ERICH1: variants seen among roughly 807,000 people sequenced by gnomAD.
The protein encoded by ERICH1 is glutamate-rich protein 1.
Under a neutral mutation model 39.6 loss-of-function variants are expected in ERICH1, and 56 were observed. That is an observed-to-expected ratio of 1.41 (90% CI 1.14 to 1.77). The LOEUF (loss-of-function observed/expected upper bound fraction) is 1.77, where lower values mean the gene tolerates loss of function less well. Ranked by LOEUF, ERICH1 falls within the 40% of genes most tolerant of loss-of-function variation. The pLI is 0.00. For synonymous variants in ERICH1, 313 were observed against 223.6 expected, an observed-to-expected ratio of 1.40 and a Z score of -3.57; for missense variants, 826 against 575.4, an observed-to-expected ratio of 1.44 and a Z score of -4.45.
chr8:638,196 C>CT (rs1433118379), intron 3 of ERICH1, among the ~76,000 whole-genome samples: 1 of 152,258 alleles, frequency 6.6e-6, no homozygotes, highest in Non-Finnish European at 1.5e-5. Context: ...TGGCCCTTGC[C>CT]TTGGCGTTTC....
At chr8:708,699 T>TTTTG (rs1391342031) in intron 2 of ERICH1, among the ~76,000 whole-genome samples, 24 of 135,906 alleles carry the variant, frequency 1.8e-4, no homozygotes, top group African/African-American at 6.1e-4. Context: ...TTTTTTTTTT[T>TTTTG]TTTTTTTTTT....
chr8:698,696 T>C (rs1810945726), intron 2 of ERICH1, among the ~76,000 whole-genome samples: 1 of 152,180 alleles, frequency 6.6e-6, no homozygotes, highest in Non-Finnish European at 1.5e-5. Flanking sequence ...GCTCACTGTC[T>C]AGAGCTCCTG....
At chr8:621,593 G>A (rs959759270) in intron 3 of ERICH1, among the ~76,000 whole-genome samples, 1 of 151,816 alleles carries the variant, frequency 6.6e-6, no homozygotes, top group Non-Finnish European at 1.5e-5. Flanking sequence ...AAATAATCAA[G>A]ATTAGAGCAG....
In ERICH1 at chr8:715,936, T is replaced by C; in HGVS notation, c.94A>G (p.Thr32Ala). 1 of 1,613,990 alleles carries C rather than the reference T, an allele frequency of 6.2e-7. No individual in the cohort carries two copies. The change falls in exon 2 of 6, where the codon ACG becomes GCG. Residue 32 changes from threonine (T) to alanine (A), a missense_variant. Transcript: ENST00000262109. ...PSGQGKREPQ[T>A]LAVQNPPKKV... ...TTTGGTGGATTTTGGACGGCCAGCG[T>C]CTGGGGTTCCCTCTTTCCTTGGCCA...
At chr8:698,217 CCTTTT>C (rs1464757683) in intron 2 of ERICH1, among the ~76,000 whole-genome samples, 5 of 104,726 alleles carry the variant, frequency 4.8e-5, no homozygotes, top group Non-Finnish European at 6.6e-5. Context: ...AAATCATATT[CCTTTT>C]CTTTTTTTTT....
intron 3 of ERICH1, among the ~76,000 whole-genome samples, chr8:622,228 A>G (rs977273077): frequency 8.5e-5 from 13 of 152,154 alleles, no homozygotes; most frequent in African/African-American, 3.1e-4. Context: ...TCTCAGAAAA[A>G]TAAAAATAAA....
chr8:624,670 G>A (rs1797495311), intron 3 of ERICH1, among the ~76,000 whole-genome samples: 2 of 152,006 alleles, frequency 1.3e-5, no homozygotes, highest in South Asian at 2.1e-4. Context: ...TGGAGCAGGA[G>A]GAAGAGAGTA....
intron 2 of ERICH1, among the ~76,000 whole-genome samples, chr8:700,386 C>T (rs1811752259): frequency 9.8e-6 from 1 of 101,566 alleles, no homozygotes. Context: ...CACAGGCCCG[C>T]ACACGCGCAC....
At chr8:709,380 G>C (rs1814176063) in intron 2 of ERICH1, among the ~76,000 whole-genome samples, 1 of 152,178 alleles carries the variant, frequency 6.6e-6, no homozygotes, top group South Asian at 2.1e-4. Flanking sequence ...ACCCTGGGGG[G>C]TTCAGCCCTC....
intron 3 of ERICH1, among the ~76,000 whole-genome samples, chr8:620,418 A>G (rs1056986721): frequency 1.3e-5 from 2 of 152,240 alleles, no homozygotes; most frequent in African/African-American, 4.8e-5. Flanking sequence ...GAACAAGTCA[A>G]TCAAAAGGCA....
At chr8:727,638 T>C (rs1003896550) in intron 1 of ERICH1, among the ~76,000 whole-genome samples, 5 of 152,176 alleles carry the variant, frequency 3.3e-5, no homozygotes, top group African/African-American at 1.2e-4. Context: ...CATCCTGCGC[T>C]CCAGCACATG....
intron 3 of ERICH1, chr8:626,196 T>C (rs1797587124): frequency 6.6e-6 from 1 of 152,296 alleles, no homozygotes; most frequent in Admixed American, 6.5e-5. Flanking sequence ...CAGCACAGAA[T>C]TGTCTGTAGA....
At chr8:625,960 T>A (rs2117063089) in intron 3 of ERICH1, 1 of 152,372 alleles carries the variant, frequency 6.6e-6, no homozygotes, top group South Asian at 2.1e-4. Flanking sequence ...AAGAAGTTAT[T>A]TATTCTGCCT....
intron 3 of ERICH1, among the ~76,000 whole-genome samples, chr8:656,161 C>T (rs1235579338): frequency 6.6e-6 from 1 of 152,170 alleles, no homozygotes; most frequent in Non-Finnish European, 1.5e-5. Flanking sequence ...CCTCGAGGGA[C>T]ATGCCCCTCA....
chr8:691,411 C>T (rs1808880534), intron 3 of ERICH1, among the ~76,000 whole-genome samples: 1 of 152,254 alleles, frequency 6.6e-6, no homozygotes, highest in East Asian at 1.9e-4. Context: ...CCCTGGGGTC[C>T]AGCACAGGCC....
At position 722,287 on chromosome 8, in the gene ERICH1, G is replaced by A. The variant is rs117346598; in HGVS notation, c.23-6280C>T. On this transcript the variant is annotated intron_variant, in intron 1 of 5. Coordinates refer to ENST00000262109, the MANE Select transcript of ERICH1 (RefSeq NM_207332.3). Reference sequence around the variant, plus strand: ...CGAAGCAGGCCAAGCAATCAGCACCGAGAAAAAGAGAGACACAACAACAAA... The same window carrying A: ...CGAAGCAGGCCAAGCAATCAGCACCAAGAAAAAGAGAGACACAACAACAAA... 9.0e-3 allele frequency among the ~76,000 whole-genome samples: 1,360 copies of A among 150,930 alleles called. 12 individuals carry two copies. Among genetic ancestry groups the A allele is most frequent in the Middle Eastern group, 0.024 (7 of 292 alleles).
At chr8:695,539 C>T (rs533824314) in intron 2 of ERICH1, among the ~76,000 whole-genome samples, 3 of 128,382 alleles carry the variant, frequency 2.3e-5, no homozygotes, top group Admixed American at 1.6e-4. Flanking sequence ...TTGCTCCTCT[C>T]GCCCTCCACT....
intron 2 of ERICH1, 93 bp from the exon 3 acceptor site, chr8:692,705 T>C: frequency 2.2e-6 from 3 of 1,357,486 alleles, no homozygotes; most frequent in Non-Finnish European, 2.0e-6. Flanking sequence ...TTTCTCTAAA[T>C]TCATTCAAGA....
intron 3 of ERICH1, among the ~76,000 whole-genome samples, chr8:678,071 C>T (rs1281623365): frequency 1.3e-5 from 2 of 151,880 alleles, no homozygotes; most frequent in African/African-American, 4.8e-5. Flanking sequence ...GGCAAAAAGG[C>T]CATAAAATGT....
Sources: gnomAD v4.1 joint callset for allele counts (sites outside exome capture counted in the v4.1 genomes callset) on GRCh38, gnomAD v4.1.1 for gene constraint, MANE v1.5 for transcripts, NCBI Gene and HGNC (gene_info 2026-07-23, HGNC 2026-07-21) for gene names.